Variants in SUSD1 observed in about 807,000 individuals in gnomAD.
The protein encoded by SUSD1 is sushi domain containing 1, also known as sushi domain-containing protein 1.
In SUSD1, 65 loss-of-function variants were observed where a neutral mutation model predicts 86.9. That is an observed-to-expected ratio of 0.75 (90% CI 0.61 to 0.92). SUSD1 has a LOEUF of 0.92. Ranked by LOEUF, SUSD1 falls within the 40% of genes least tolerant of loss-of-function variation. The probability of loss-of-function intolerance (pLI) is 0.00; values close to 1 mark genes in which losing one functional copy is unlikely to be tolerated. For missense variants in SUSD1, 850 were observed against 929.7 expected (o/e 0.91, Z 1.11); for synonymous variants, 346 against 350.0 (o/e 0.99, Z 0.13).
rs368148071 is a variant in SUSD1 at position 112,144,693 on chromosome 9, T to A, written c.374-1070A>T. Among the ~76,000 whole-genome samples, 26 of 152,122 alleles carry A rather than the reference T, an allele frequency of 1.7e-4. No individual in the cohort carries two copies. In the South Asian group the frequency reaches 4.6e-3, roughly 27 times the overall value. On this transcript the variant is annotated intron_variant, in intron 3 of 16. Coordinates refer to ENST00000374270, the MANE Select transcript of SUSD1 (RefSeq NM_022486.5). ...GAGAGTGAAAATGCCAGCCCATGAG[T>A]ATAGGATGGTGTGGCAGGTAATAAG...
intron 15 of SUSD1, 162 bp from the exon 16 acceptor site, chr9:112,042,122 C>T (rs1047375506): frequency 4.5e-5 from 69 of 1,540,652 alleles, no homozygotes; most frequent in Non-Finnish European, 6.0e-5. Context: ...CTGAGTTGGC[C>T]CTGTGGATAT....
intron 1 of SUSD1, among the ~76,000 whole-genome samples, chr9:112,168,743 C>T (rs977495883): frequency 2.0e-5 from 3 of 152,086 alleles, no homozygotes; most frequent in Non-Finnish European, 4.4e-5. Flanking sequence ...TCACTTGCAC[C>T]CAGGAGTTCA....
intron 2 of SUSD1, among the ~76,000 whole-genome samples, chr9:112,155,870 A>G (rs1464270989): frequency 1.3e-5 from 2 of 149,970 alleles, no homozygotes; most frequent in African/African-American, 2.4e-5. Flanking sequence ...TAAGAGGAAG[A>G]GGAAGAAGGA....
chr9:112,115,824 G>GAAAAAAAAAGA (rs1554766278), intron 6 of SUSD1, among the ~76,000 whole-genome samples: 72,811 of 120,772 alleles, frequency 0.6, 22,408 homozygotes, highest in East Asian at 0.76. Context: ...AAAAAAAAAA[G>GAAAAAAAAAGA]AAAAAAAAAA....
intron 6 of SUSD1, among the ~76,000 whole-genome samples, chr9:112,121,903 T>C (rs1046233617): frequency 1.3e-5 from 2 of 152,250 alleles, no homozygotes; most frequent in Non-Finnish European, 2.9e-5. Flanking sequence ...ATGAATCATG[T>C]AGAAGTACAC....
chr9:112,139,373 C>G (rs1420371340), intron 5 of SUSD1, among the ~76,000 whole-genome samples: 1 of 151,946 alleles, frequency 6.6e-6, no homozygotes, highest in Non-Finnish European at 1.5e-5. Context: ...CACCAAAAAC[C>G]CAGATTAATT....
chr9:112,173,633 G>C (rs117587992), intron 1 of SUSD1: 44 of 453,670 alleles, frequency 9.7e-5, no homozygotes, highest in Non-Finnish European at 1.6e-4. Flanking sequence ...TCTTTGGCTG[G>C]CACAGCCTGA....
At chr9:112,096,373 G>T (rs543210398) in intron 10 of SUSD1, among the ~76,000 whole-genome samples, 1 of 152,112 alleles carries the variant, frequency 6.6e-6, no homozygotes, top group Admixed American at 6.5e-5. Flanking sequence ...CACCAAAGGA[G>T]TAGCATCTAT....
intron 6 of SUSD1, among the ~76,000 whole-genome samples, chr9:112,116,864 G>C (rs962007551): frequency 5.9e-5 from 9 of 152,146 alleles, no homozygotes; most frequent in Non-Finnish European, 1.2e-4. Flanking sequence ...CCAAGGCCAG[G>C]CACAGTGGCT....
chr9:112,078,530 A>G lies in SUSD1; in HGVS notation c.1753+8T>C, dbSNP rs1246135142. On this transcript the variant is annotated splice_region_variant and intron_variant, in intron 12 of 16. Coordinates refer to ENST00000374270, the MANE Select transcript of SUSD1 (RefSeq NM_022486.5). ...TTGTTAATCCAAATGCTGTTATTCA[A>G]GATTTACCTGTTATCTGGGTTGTCA... 6.2e-7 allele frequency: 1 copy of G among 1,603,620 alleles called. No homozygotes were observed. Among genetic ancestry groups the G allele is most frequent in the Non-Finnish European group, 8.5e-7 (1 of 1,171,514 alleles).
rs565413583 is a variant in SUSD1, at chr9:112,112,092, T to C, written c.985-252A>G. 17 of 361,546 alleles carry C rather than the reference T, an allele frequency of 4.7e-5. 1 individual carries two copies. Among genetic ancestry groups the C allele is most frequent in the Admixed American group, 8.5e-5 (2 of 23,462 alleles). The allele number at this position is 361,546 out of a possible 1,614,324, so 22.4% of individuals were successfully genotyped here. A position where few individuals can be genotyped will look rare whatever the true frequency, so the allele number is the denominator to read the frequency against. On this transcript the variant is annotated intron_variant, in intron 7 of 16. Transcript: ENST00000374270. ...CACACAAATGATCAAATGGAGACAATTGCAACCTGAGGACCATTGGCTGCA... is the reference window on the plus strand; with the variant it reads ...CACACAAATGATCAAATGGAGACAACTGCAACCTGAGGACCATTGGCTGCA...
At chr9:112,073,905 A>G (rs1292710412) in intron 12 of SUSD1, among the ~76,000 whole-genome samples, 2 of 151,956 alleles carry the variant, frequency 1.3e-5, no homozygotes, top group Non-Finnish European at 2.9e-5. Flanking sequence ...TGTCTCAAAA[A>G]AAGAAAGGGA....
chr9:112,069,213 T>C (rs1589606359), intron 12 of SUSD1, among the ~76,000 whole-genome samples: 2 of 152,010 alleles, frequency 1.3e-5, no homozygotes, highest in African/African-American at 4.8e-5. Flanking sequence ...TCTGTGGCCT[T>C]TATGAAACAG....
At position 112,112,815 on chromosome 9, in the gene SUSD1, A is replaced by G; in HGVS notation, c.940T>C (p.Trp314Arg). ...VSLFNDTCVR[W>R]QINSRRINPK... ...TTTATTCTTCTTGAGTTTATTTGCC[A>G]TCTCACACAGGTATCATTAAACAGT... The change falls in exon 7 of 17, where the codon TGG becomes CGG. Residue 314 changes from tryptophan to arginine, a missense_variant. Coordinates refer to ENST00000374270, the MANE Select transcript of SUSD1 (RefSeq NM_022486.5). The G allele has an allele frequency of 3.1e-6, 5 of 1,613,658 alleles. No homozygotes were observed. Among genetic ancestry groups the G allele is most frequent in the Non-Finnish European group, 4.2e-6 (5 of 1,179,568 alleles).
intron 13 of SUSD1, among the ~76,000 whole-genome samples, chr9:112,061,696 T>G (rs1412655032): frequency 6.6e-6 from 1 of 152,232 alleles, no homozygotes; most frequent in African/African-American, 2.4e-5. Flanking sequence ...GGAAAGATCT[T>G]TGCACATTTA....
intron 10 of SUSD1, among the ~76,000 whole-genome samples, chr9:112,095,019 G>A (rs1471965902): frequency 6.6e-6 from 1 of 152,180 alleles, no homozygotes; most frequent in South Asian, 2.1e-4. Flanking sequence ...CAGGGAGAAT[G>A]AAAATTGATA....
intron 10 of SUSD1, among the ~76,000 whole-genome samples, chr9:112,086,412 G>A (rs552416544): frequency 1.3e-5 from 2 of 151,818 alleles, no homozygotes; most frequent in African/African-American, 4.8e-5. Context: ...AGGGGTGATA[G>A]AAGGGATGTG....
At chr9:112,153,050 G>A (rs1833135983) in intron 2 of SUSD1, among the ~76,000 whole-genome samples, 1 of 151,992 alleles carries the variant, frequency 6.6e-6, no homozygotes, top group Non-Finnish European at 1.5e-5. Flanking sequence ...AGGATCACTT[G>A]AGCCCAGGAG....
At chr9:112,083,995 C>T (rs1829872402) in intron 10 of SUSD1, among the ~76,000 whole-genome samples, 1 of 152,076 alleles carries the variant, frequency 6.6e-6, no homozygotes, top group Admixed American at 6.6e-5. Flanking sequence ...TAAATGGCAC[C>T]ACTAGTGTCC....
Sources: allele counts gnomAD v4.1 joint callset (sites outside exome capture counted in the v4.1 genomes callset), GRCh38; gene constraint gnomAD v4.1.1; transcripts MANE v1.5; gene names NCBI Gene and HGNC (gene_info 2026-07-23, HGNC 2026-07-21).